The following KCNK13 variants were observed in gnomAD, a reference collection of about 807,000 sequenced individuals.
KCNK13 encodes potassium two pore domain channel subfamily K member 13, also known as potassium channel subfamily K member 13.
A neutral mutation model predicts 23.4 loss-of-function variants in KCNK13; 12 were observed. The observed-to-expected ratio is 0.51, with a 90% CI of 0.33 to 0.83. The LOEUF (loss-of-function observed/expected upper bound fraction) is 0.83. Ranked by LOEUF, KCNK13 falls within the 40% of genes least tolerant of loss-of-function variation. The pLI is 0.02. For synonymous variants in KCNK13, 231 were observed against 229.5 expected (o/e 1.01, Z -0.06); for missense variants, 463 against 556.3 (o/e 0.83, Z 1.69).
At chr14:90,081,681 G>T (rs1394248688) in intron 1 of KCNK13, among the ~76,000 whole-genome samples, 1 of 152,076 alleles carries the variant, frequency 6.6e-6, no homozygotes, top group Admixed American at 6.5e-5. Context: ...TCAATTTTAG[G>T]ACATTTCAAG....
intron 1 of KCNK13, among the ~76,000 whole-genome samples, chr14:90,127,742 C>T (rs1889819182): frequency 6.7e-6 from 1 of 148,590 alleles, no homozygotes; most frequent in African/African-American, 2.5e-5. Flanking sequence ...TCCCTTGAGT[C>T]CAGGAGTTCG....
chr14:90,160,546 T>C (rs1460335679), intron 1 of KCNK13, among the ~76,000 whole-genome samples: 1 of 152,120 alleles, frequency 6.6e-6, no homozygotes, highest in Admixed American at 6.6e-5. Flanking sequence ...GATGGAAATG[T>C]TAATTTTTTT....
chr14:90,103,793 C>A (rs901762875), intron 1 of KCNK13, among the ~76,000 whole-genome samples: 2 of 152,110 alleles, frequency 1.3e-5, no homozygotes, highest in Admixed American at 6.6e-5. Context: ...AAACCCGGGA[C>A]CTTAGGTGAT....
chr14:90,121,043 G>C (rs1889733529), intron 1 of KCNK13, among the ~76,000 whole-genome samples: 2 of 139,966 alleles, frequency 1.4e-5, no homozygotes, highest in Non-Finnish European at 3.2e-5. Flanking sequence ...AGGAGAAATT[G>C]ACTGACTGGA....
chr14:90,109,702 G>A (rs1889591421), intron 1 of KCNK13, among the ~76,000 whole-genome samples: 1 of 143,408 alleles, frequency 7.0e-6, no homozygotes, highest in Non-Finnish European at 1.5e-5. Flanking sequence ...GAGCCATGGT[G>A]CCTGGCCCTT....
chr14:90,063,948 G>T (rs1888977059), intron 1 of KCNK13, among the ~76,000 whole-genome samples: 1 of 152,196 alleles, frequency 6.6e-6, no homozygotes, highest in African/African-American at 2.4e-5. Context: ...CGGCCCATCA[G>T]CAGGCCATGA....
intron 1 of KCNK13, among the ~76,000 whole-genome samples, chr14:90,136,017 A>G (rs952264751): frequency 3.9e-5 from 6 of 152,104 alleles, no homozygotes; most frequent in African/African-American, 1.4e-4. Flanking sequence ...TCTGCAAGAC[A>G]CACACACACC....
chr14:90,119,443 C>T (rs889486730), intron 1 of KCNK13, among the ~76,000 whole-genome samples: 4 of 152,094 alleles, frequency 2.6e-5, no homozygotes, highest in African/African-American at 9.7e-5. Context: ...ACTAATCCAC[C>T]ACGATCAAGT....
chr14:90,143,661 C>T (rs1392831203), intron 1 of KCNK13, among the ~76,000 whole-genome samples: 2 of 152,006 alleles, frequency 1.3e-5, no homozygotes, highest in African/African-American at 2.4e-5. Context: ...GCACAAAGAA[C>T]AATTCATGAA....
intron 1 of KCNK13, among the ~76,000 whole-genome samples, chr14:90,144,690 C>G (rs1479373347): frequency 6.6e-6 from 1 of 151,866 alleles, no homozygotes; most frequent in Non-Finnish European, 1.5e-5. Flanking sequence ...AACTCCTGAC[C>G]TCAAGTAATC....
intron 1 of KCNK13, among the ~76,000 whole-genome samples, chr14:90,065,346 G>A (rs1888995444): frequency 6.6e-6 from 1 of 152,270 alleles, no homozygotes; most frequent in South Asian, 2.1e-4. Flanking sequence ...ACAGAAATAC[G>A]GGATGCAAGT....
intron 1 of KCNK13, among the ~76,000 whole-genome samples, chr14:90,100,170 G>A (rs1383390682): frequency 6.6e-6 from 1 of 152,172 alleles, no homozygotes; most frequent in African/African-American, 2.4e-5. Flanking sequence ...TCTACACTTG[G>A]ATAATTAGGG....
chr14:90,159,811 A>C (rs1326995400), intron 1 of KCNK13, among the ~76,000 whole-genome samples: 1 of 152,224 alleles, frequency 6.6e-6, no homozygotes, highest in Admixed American at 6.5e-5. Flanking sequence ...TAATGACCCC[A>C]CATTGCTGGG....
chr14:90,147,320 A>T (rs1403458331), intron 1 of KCNK13, among the ~76,000 whole-genome samples: 1 of 152,084 alleles, frequency 6.6e-6, no homozygotes, highest in Non-Finnish European at 1.5e-5. Flanking sequence ...TGGCACAATC[A>T]TAGCTCATTG....
chr14:90,105,998 G>A (rs1889539469), intron 1 of KCNK13, among the ~76,000 whole-genome samples: 1 of 152,202 alleles, frequency 6.6e-6, no homozygotes, highest in Non-Finnish European at 1.5e-5. Context: ...CCAAGTCCTG[G>A]TTGGGTCTGA....
intron 1 of KCNK13, among the ~76,000 whole-genome samples, chr14:90,139,092 A>G (rs17799178): frequency 0.16 from 24,658 of 152,192 alleles, 2,288 homozygotes; most frequent in South Asian, 0.29. Flanking sequence ...TGGTTCAGAC[A>G]TCCAGTTAGC....
chr14:90,096,066 A>T (rs1889406646), intron 1 of KCNK13, among the ~76,000 whole-genome samples: 1 of 152,100 alleles, frequency 6.6e-6, no homozygotes, highest in Non-Finnish European at 1.5e-5. Flanking sequence ...GAGCTTCCAG[A>T]CCCTCTCCAG....
chr14:90,136,014 G>A (rs1566642754), intron 1 of KCNK13, among the ~76,000 whole-genome samples: 1 of 152,022 alleles, frequency 6.6e-6, no homozygotes, highest in East Asian at 1.9e-4. Flanking sequence ...ATGTCTGCAA[G>A]ACACACACAC....
At chr14:90,140,221 G>A (rs1889989364) in intron 1 of KCNK13, among the ~76,000 whole-genome samples, 1 of 152,156 alleles carries the variant, frequency 6.6e-6, no homozygotes, top group South Asian at 2.1e-4. Flanking sequence ...ACACCTCAGA[G>A]CCTCTGAGCC....
Sources: allele counts gnomAD v4.1 joint callset (sites outside exome capture counted in the v4.1 genomes callset), GRCh38; gene constraint gnomAD v4.1.1; transcripts MANE v1.5; gene names NCBI Gene and HGNC (gene_info 2026-07-23, HGNC 2026-07-21).